Variants in GLIS3 observed in about 807,000 individuals in gnomAD.
GLIS3 encodes the protein GLIS family zinc finger 3, also known as zinc finger protein GLIS3.
GLIS3 carries 53 observed loss-of-function variants against 78.6 expected under a neutral mutation model. The ratio of observed to expected loss-of-function variants is 0.67; its 90% CI spans 0.54 to 0.85. The LOEUF is 0.85. Ranked by LOEUF, GLIS3 falls within the 40% of genes least tolerant of loss-of-function variation. GLIS3 has a pLI of 0.00. For synonymous variants in GLIS3, 684 were observed against 509.9 expected (o/e 1.34, Z -4.60); for missense variants, 1,703 against 1,231.1 (o/e 1.38, Z -5.74).
upstream of GLIS3, among the ~76,000 whole-genome samples, chr9:4,302,043 C>T (rs991802305): frequency 2.7e-5 from 4 of 149,018 alleles, no homozygotes; most frequent in African/African-American, 7.5e-5. Context: ...TCTTATATTC[C>T]ATGGGTTATA....
chr9:3,860,889 G>C (rs563955043), intron 8 of GLIS3, among the ~76,000 whole-genome samples: 62 of 152,198 alleles, frequency 4.1e-4, no homozygotes, highest in Non-Finnish European at 7.5e-4. Flanking sequence ...CTCTGTCTTT[G>C]TGGAACGTAT....
intron 4 of GLIS3, among the ~76,000 whole-genome samples, chr9:4,307,262 C>T (rs1479757291): frequency 6.6e-6 from 1 of 152,080 alleles, no homozygotes; most frequent in Non-Finnish European, 1.5e-5. Context: ...ATAAAGTATG[C>T]TTAATTGTAA....
At chr9:4,241,278 G>A (rs1823283118) in intron 2 of GLIS3, among the ~76,000 whole-genome samples, 1 of 152,162 alleles carries the variant, frequency 6.6e-6, no homozygotes. Context: ...TTCATTGTCA[G>A]CTCAACTCTT....
chr9:4,256,141 G>T (rs985347406), intron 2 of GLIS3, among the ~76,000 whole-genome samples: 1 of 152,008 alleles, frequency 6.6e-6, no homozygotes, highest in African/African-American at 2.4e-5. Context: ...AAAGACACTG[G>T]AACAGATGAG....
At chr9:4,404,942 T>C in the GLIS3 span, among the ~76,000 whole-genome samples, 10 of 152,226 alleles carry the variant, frequency 6.6e-5, no homozygotes, top group East Asian at 1.9e-3. Flanking sequence ...GTTAATATTT[T>C]GAAAAGATAA....
intron 6 of GLIS3, among the ~76,000 whole-genome samples, chr9:3,904,274 C>A (rs2082066766): frequency 6.6e-6 from 1 of 152,176 alleles, no homozygotes; most frequent in African/African-American, 2.4e-5. Flanking sequence ...CCCCTACAAT[C>A]TGGGCAAGAC....
chr9:4,087,697 C>A (rs552411196), intron 4 of GLIS3, among the ~76,000 whole-genome samples: 1 of 152,212 alleles, frequency 6.6e-6, no homozygotes, highest in African/African-American at 2.4e-5. Context: ...AAATTCATAT[C>A]GGTGAAAAAA....
At chr9:4,180,804 T>C (rs945769643) in intron 2 of GLIS3, among the ~76,000 whole-genome samples, 1 of 152,142 alleles carries the variant, frequency 6.6e-6, no homozygotes, top group African/African-American at 2.4e-5. Context: ...AGCGGCGGTG[T>C]AGCAGAGGGC....
chr9:3,876,084 A>C (rs1050992625), intron 8 of GLIS3, among the ~76,000 whole-genome samples: 7 of 152,294 alleles, frequency 4.6e-5, no homozygotes, highest in African/African-American at 1.2e-4. Context: ...CATAAGGTGC[A>C]ATCTAAATCT....
At chr9:4,231,825 T>C (rs944537555) in intron 2 of GLIS3, among the ~76,000 whole-genome samples, 8 of 152,190 alleles carry the variant, frequency 5.3e-5, no homozygotes, top group Non-Finnish European at 5.9e-5. Flanking sequence ...CACAGACCCA[T>C]ATGGGGAATA....
intron 4 of GLIS3, among the ~76,000 whole-genome samples, chr9:4,031,941 C>T (rs1007663804): frequency 6.6e-6 from 1 of 152,104 alleles, no homozygotes; most frequent in African/African-American, 2.4e-5. Context: ...TCTGGCTAGC[C>T]AGGAAAGACC....
chr9:3,878,271 C>G (rs149840611), intron 8 of GLIS3, among the ~76,000 whole-genome samples: 66 of 152,026 alleles, frequency 4.3e-4, no homozygotes, highest in Middle Eastern at 6.8e-3. Context: ...ACCAAACAGC[C>G]TTATTATACT....
chr9:4,400,778 C>T, the GLIS3 span, among the ~76,000 whole-genome samples: 1,290 of 152,198 alleles, frequency 8.5e-3, 30 homozygotes, highest in African/African-American at 0.029. Context: ...TGCTCCAGGC[C>T]CTAGCTCCTG....
At chr9:3,954,066 T>G (rs1007609976) in intron 4 of GLIS3, among the ~76,000 whole-genome samples, 9 of 152,226 alleles carry the variant, frequency 5.9e-5, no homozygotes, top group Non-Finnish European at 1.0e-4. Context: ...ACACATATAT[T>G]TAACACTAAT....
At chr9:4,076,767 AATT>A (rs1177689877) in intron 4 of GLIS3, among the ~76,000 whole-genome samples, 1 of 152,102 alleles carries the variant, frequency 6.6e-6, no homozygotes, top group Non-Finnish European at 1.5e-5. Flanking sequence ...CATAATGTTA[AATT>A]TTTTGGCTGG....
At chr9:4,194,547 G>A (rs555524954) in intron 2 of GLIS3, among the ~76,000 whole-genome samples, 1 of 152,312 alleles carries the variant, frequency 6.6e-6, no homozygotes, top group South Asian at 2.1e-4. Flanking sequence ...CAGCCACTTG[G>A]AAACAGCAAA....
At chr9:4,450,324 G>A in the GLIS3 span, among the ~76,000 whole-genome samples, 31,526 of 152,018 alleles carry the variant, frequency 0.21, 3,419 homozygotes, top group Middle Eastern at 0.29. Context: ...AATGAACAAA[G>A]CCTCCAAGAA....
At chr9:4,136,481 G>C (rs1396467601) in intron 2 of GLIS3, among the ~76,000 whole-genome samples, 1 of 152,180 alleles carries the variant, frequency 6.6e-6, no homozygotes, top group Non-Finnish European at 1.5e-5. Context: ...TTTACTGTAA[G>C]TCTTCAGGAG....
chr9:4,048,349 G>T (rs1356202779), intron 4 of GLIS3, among the ~76,000 whole-genome samples: 1 of 152,162 alleles, frequency 6.6e-6, no homozygotes, highest in Admixed American at 6.6e-5. Context: ...TTCACACACT[G>T]TAAGGGATCC....
Sources: allele counts gnomAD v4.1 joint callset (sites outside exome capture counted in the v4.1 genomes callset), GRCh38; gene constraint gnomAD v4.1.1; transcripts MANE v1.5; gene names NCBI Gene and HGNC (gene_info 2026-07-23, HGNC 2026-07-21).